The following ITGAV variants were observed in gnomAD, a reference collection of about 807,000 sequenced individuals.
ITGAV encodes integrin alpha-V.
A neutral mutation model predicts 143.8 loss-of-function variants in ITGAV; 76 were observed. That is an observed-to-expected ratio of 0.53 (90% CI 0.44 to 0.64). ITGAV has a LOEUF of 0.64. Among genes scored for constraint, ITGAV ranks in the 30% least tolerant of loss-of-function variants. The pLI is 0.00. For synonymous variants in ITGAV, 453 were observed against 446.7 expected, an observed-to-expected ratio of 1.01 and a Z score of -0.18; for missense variants, 1,193 against 1,274.7, an observed-to-expected ratio of 0.94 and a Z score of 0.98.
chr2:186,669,760 C>A lies in ITGAV; in HGVS notation c.2652C>A (p.Asp884Glu). Reference protein sequence around the residue: ...NDTVAGQGERDHLITKRDLAL... With the variant: ...NDTVAGQGEREHLITKRDLAL... ...CGGTTGCCGGGCAAGGTGAGCGGGA[C>A]CATCTCATCACTAAGCGGGATCTTG... The change falls in exon 26 of 30, where the codon GAC becomes GAA. Residue 884 changes from aspartate (D) to glutamate (E), a missense_variant. Transcript: ENST00000261023. 1 of 1,614,100 alleles carries A rather than the reference C, an allele frequency of 6.2e-7. No individual in the cohort carries two copies. The highest frequency in any genetic ancestry group is 8.5e-7 in the Non-Finnish European group (1 of 1,180,000).
At chr2:186,629,026 A>T (rs569785416) in intron 4 of ITGAV, among the ~76,000 whole-genome samples, 7 of 152,218 alleles carry the variant, frequency 4.6e-5, no homozygotes, top group African/African-American at 7.2e-5. Context: ...AAGACTTAAA[A>T]AGTTAATGTC....
chr2:186,657,950 A>G (rs1215633100), intron 17 of ITGAV, among the ~76,000 whole-genome samples: 1 of 139,706 alleles, frequency 7.2e-6, no homozygotes. Flanking sequence ...TAGCTCTTTG[A>G]AAGAAAAAAA....
intron 2 of ITGAV, among the ~76,000 whole-genome samples, chr2:186,615,317 G>A (rs1476883968): frequency 2.6e-5 from 4 of 151,870 alleles, no homozygotes; most frequent in Admixed American, 2.6e-4. Flanking sequence ...TTGTATAGAT[G>A]TCTAGGAGTG....
At chr2:186,608,749 G>GTA (rs1173126414) in intron 2 of ITGAV, among the ~76,000 whole-genome samples, 3 of 152,184 alleles carry the variant, frequency 2.0e-5, no homozygotes, top group African/African-American at 7.2e-5. Context: ...TTGCCTGTGT[G>GTA]TATGTTCCAT....
At chr2:186,621,751 T>C (rs752457013) in intron 2 of ITGAV, among the ~76,000 whole-genome samples, 3 of 152,196 alleles carry the variant, frequency 2.0e-5, no homozygotes, top group Admixed American at 6.5e-5. Context: ...CATTTTGTTT[T>C]TGACACTGGA....
chr2:186,627,683 G>A (rs2105693111), intron 4 of ITGAV, among the ~76,000 whole-genome samples: 2 of 152,256 alleles, frequency 1.3e-5, no homozygotes, highest in Middle Eastern at 6.8e-3. Flanking sequence ...ATTTGTTGAT[G>A]TGTTATCTAT....
intron 2 of ITGAV, among the ~76,000 whole-genome samples, chr2:186,602,767 C>T (rs1356220258): frequency 1.3e-5 from 2 of 151,402 alleles, no homozygotes; most frequent in African/African-American, 4.9e-5. Context: ...ATCCCAGCTA[C>T]TTAGGAGGCT....
chr2:186,623,301 AT>A (rs61763629), intron 3 of ITGAV, among the ~76,000 whole-genome samples: 8,948 of 151,880 alleles, frequency 0.059, 354 homozygotes, highest in Non-Finnish European at 0.086. Flanking sequence ...GCTGGTATTT[AT>A]TTTTATCTTT....
At chr2:186,627,132 AGT>A (rs1297938274) in intron 4 of ITGAV, among the ~76,000 whole-genome samples, 1 of 152,064 alleles carries the variant, frequency 6.6e-6, no homozygotes, top group Non-Finnish European at 1.5e-5. Flanking sequence ...TGGGGTTGAG[AGT>A]GGGGATATTC....
At position 186,648,933 on chromosome 2, in the gene ITGAV, T is replaced by C. The variant is rs187288305; in HGVS notation, c.1352-907T>C. Among the ~76,000 whole-genome samples, 386 of 148,708 alleles carry C rather than the reference T, an allele frequency of 2.6e-3. 8 individuals are homozygous for C. Among genetic ancestry groups the C allele is most frequent in the Admixed American group, 0.022 (319 of 14,826 alleles). On this transcript the variant is annotated intron_variant, in intron 13 of 29. Coordinates refer to ENST00000261023, the MANE Select transcript of ITGAV (RefSeq NM_002210.5). ...ATTTGTGTGTATATATATATACATT[T>C]GTATATATATACATTTGTGTGTATA...
chr2:186,607,070 A>T (rs1005074612), intron 2 of ITGAV, among the ~76,000 whole-genome samples: 11 of 152,144 alleles, frequency 7.2e-5, no homozygotes, highest in African/African-American at 2.7e-4. Context: ...CATGGGCTCA[A>T]ATCTAGCCTC....
At chr2:186,633,008 G>C (rs1687854270) in intron 5 of ITGAV, among the ~76,000 whole-genome samples, 1 of 151,112 alleles carries the variant, frequency 6.6e-6, no homozygotes, top group Non-Finnish European at 1.5e-5. Context: ...TAGATACATA[G>C]ACAGATAGAT....
chr2:186,655,856 A>T (rs533115873), intron 16 of ITGAV, among the ~76,000 whole-genome samples: 27 of 152,314 alleles, frequency 1.8e-4, no homozygotes, highest in African/African-American at 6.5e-4. Context: ...ATATGAGCAA[A>T]TACTTCTTAA....
intron 17 of ITGAV, among the ~76,000 whole-genome samples, chr2:186,656,689 C>A (rs1248502674): frequency 6.6e-5 from 10 of 151,176 alleles, no homozygotes; most frequent in African/African-American, 2.4e-4. Context: ...TCACCAGAGT[C>A]CAAAAAAAAA....
chr2:186,640,433 TA>T (rs1323731305), intron 10 of ITGAV, among the ~76,000 whole-genome samples: 48 of 152,356 alleles, frequency 3.2e-4, no homozygotes, highest in African/African-American at 1.1e-3. Context: ...TAGTTACACA[TA>T]GGGGAGCCAA....
At chr2:186,645,706 G>A (rs1414423592) in intron 12 of ITGAV, among the ~76,000 whole-genome samples, 1 of 152,104 alleles carries the variant, frequency 6.6e-6, no homozygotes, top group East Asian at 1.9e-4. Context: ...CGTGGTTCAC[G>A]CCTGTAATCC....
In ITGAV at chr2:186,641,423, G is replaced by T. The variant is rs762705216; in HGVS notation, c.994G>T (p.Asp332Tyr). The stretch of plus-strand genomic sequence containing the variant: ...GTTTATTGGAGCACCTCTCTTCATG[G>T]ATCGTGGCTCTGATGGCAAACTCCA... ...DVFIGAPLFM[D>Y]RGSDGKLQEV... Residue 332 changes from aspartate to tyrosine, a missense_variant, in exon 12 of 30, where the codon GAT (aspartate) becomes TAT (tyrosine). Transcript: ENST00000261023. The T allele has an allele frequency of 1.9e-6, 3 of 1,614,028 alleles. No individual in the cohort carries two copies. The African/African-American group carries it at 4.0e-5, about 22-fold the overall frequency.
intron 24 of ITGAV, 184 bp downstream of exon 24, chr2:186,667,960 A>G: frequency 5.7e-6 from 2 of 352,076 alleles, no homozygotes; most frequent in Non-Finnish European, 1.0e-5. Context: ...TGACAAATAG[A>G]CTTGTTTAAA....
Position 186,633,420 on chromosome 2 carries a change from GA to G in ITGAV, c.631+47del, listed in dbSNP as rs753196614. ...TTACAATTGGTGACTATGTGTCGCT[GA>G]TTCACCTGGCTAATTGTATGCCTAT... On this transcript the variant is annotated intron_variant, in intron 6 of 29. Transcript: ENST00000261023. The G allele has an allele frequency of 3.7e-6, 4 of 1,091,842 alleles. No homozygotes were observed. The Admixed American group carries it at 7.4e-5, about 20-fold the overall frequency. 67.6% of individuals were successfully genotyped at this position (1,091,842 alleles called of 1,614,324 possible).
Sources: allele counts gnomAD v4.1 joint callset (sites outside exome capture counted in the v4.1 genomes callset), GRCh38; gene constraint gnomAD v4.1.1; transcripts MANE v1.5; gene names NCBI Gene and HGNC (gene_info 2026-07-23, HGNC 2026-07-21).